GPHN: variants seen among roughly 807,000 people sequenced by gnomAD.
GPHN encodes the protein gephyrin.
In GPHN, 17 loss-of-function variants were observed where a neutral mutation model predicts 95.5. That is an observed-to-expected ratio of 0.18 (90% confidence interval 0.12 to 0.27). The LOEUF (loss-of-function observed/expected upper bound fraction) is 0.27. Ranked by LOEUF, GPHN falls within the 10% of genes least tolerant of loss-of-function variation. GPHN has a pLI of 1.00. For synonymous variants in GPHN, 320 were observed against 322.5 expected, an observed-to-expected ratio of 0.99 and a Z score of 0.08; for missense variants, 660 against 978.1, an observed-to-expected ratio of 0.67 and a Z score of 4.34.
the GPHN span, among the ~76,000 whole-genome samples, chr14:67,236,564 G>A: frequency 6.6e-6 from 1 of 152,266 alleles, no homozygotes; most frequent in South Asian, 2.1e-4. Flanking sequence ...AGCCAATTAG[G>A]TTGAATAATA....
chr14:67,280,316 G>A, the GPHN span, among the ~76,000 whole-genome samples: 1 of 152,210 alleles, frequency 6.6e-6, no homozygotes, highest in South Asian at 2.1e-4. Flanking sequence ...CACTGAACTA[G>A]TGTTAGGAGA....
At chr14:67,557,505 C>A in the GPHN span, 1 of 1,287,072 alleles carries the variant, frequency 7.8e-7, no homozygotes, top group Non-Finnish European at 1.1e-6. Flanking sequence ...CCGCTCAAGC[C>A]CTCTAGTGCT....
chr14:67,401,192 A>G, the GPHN span, among the ~76,000 whole-genome samples: 8,551 of 152,006 alleles, frequency 0.056, 497 homozygotes, highest in African/African-American at 0.14. Context: ...TCTTTATAAG[A>G]AAAGGTGATT....
intron 4 of GPHN, among the ~76,000 whole-genome samples, chr14:66,852,564 C>T (rs1168776639): frequency 6.6e-6 from 1 of 152,170 alleles, no homozygotes; most frequent in Non-Finnish European, 1.5e-5. Context: ...AAATTGCTCT[C>T]TCTTTTTATT....
the GPHN span, among the ~76,000 whole-genome samples, chr14:67,644,900 A>G: frequency 1.3e-5 from 2 of 151,908 alleles, no homozygotes; most frequent in African/African-American, 2.4e-5. Context: ...CGGGAGGCTG[A>G]GGCAGGAAAA....
chr14:67,037,816 T>C (rs1254805600), intron 10 of GPHN, among the ~76,000 whole-genome samples: 1 of 151,244 alleles, frequency 6.6e-6, no homozygotes, highest in African/African-American at 2.4e-5. Context: ...GTATTGGTGA[T>C]CATAGGGAGA....
At chr14:66,703,275 G>A (rs1487038143) in intron 2 of GPHN, among the ~76,000 whole-genome samples, 4 of 151,820 alleles carry the variant, frequency 2.6e-5, no homozygotes, top group African/African-American at 9.7e-5. Context: ...AGGCCAACAT[G>A]CAAATTCAGG....
the GPHN span, among the ~76,000 whole-genome samples, chr14:67,698,677 G>C: frequency 2.6e-5 from 4 of 152,178 alleles, no homozygotes; most frequent in African/African-American, 4.8e-5. Flanking sequence ...GGACTGGATA[G>C]TATAGGAGCT....
At chr14:66,817,321 TC>T (rs2061013944) in intron 3 of GPHN, among the ~76,000 whole-genome samples, 1 of 152,102 alleles carries the variant, frequency 6.6e-6, no homozygotes, top group Non-Finnish European at 1.5e-5. Flanking sequence ...ACTTATATAA[TC>T]ATATTCTTAA....
chr14:67,712,985 C>T, the GPHN span, among the ~76,000 whole-genome samples: 1 of 151,724 alleles, frequency 6.6e-6, no homozygotes, highest in Non-Finnish European at 1.5e-5. Context: ...GACTTATTCC[C>T]CATAATTTGG....
intron 2 of GPHN, among the ~76,000 whole-genome samples, chr14:66,715,772 A>T (rs1054357779): frequency 6.6e-6 from 1 of 152,010 alleles, no homozygotes; most frequent in Admixed American, 6.6e-5. Flanking sequence ...TTTAATTTCC[A>T]TGGATTTGCA....
At chr14:67,215,653 C>G in the GPHN span, among the ~76,000 whole-genome samples, 1 of 151,998 alleles carries the variant, frequency 6.6e-6, no homozygotes, top group Non-Finnish European at 1.5e-5. Flanking sequence ...GGAAAACATA[C>G]CTTTCACTAC....
Position 66,994,513 on chromosome 14 carries a change from A to G in GPHN, c.964-29120A>G, listed in dbSNP as rs17780844. ...ATTTCTGAGATGTTTAATGTGCACC[A>G]TAGAATTGCCCTCCTCGGAACTGAC... On this transcript the variant is annotated intron_variant, in intron 9 of 22. Coordinates refer to ENST00000478722, the MANE Select transcript of GPHN (RefSeq NM_020806.5). Among the ~76,000 whole-genome samples the G allele has an allele frequency of 6.7e-3, 1,022 of 152,342 alleles. 12 individuals are homozygous for G. The highest frequency in any genetic ancestry group is 0.029 in the Admixed American group (445 of 15,294).
chr14:66,692,616 A>G (rs534702534), intron 2 of GPHN, among the ~76,000 whole-genome samples: 2 of 152,016 alleles, frequency 1.3e-5, no homozygotes, highest in East Asian at 3.8e-4. Flanking sequence ...TTCTTATCGA[A>G]CAGTTTTCTA....
At chr14:67,550,015 G>A in the GPHN span, among the ~76,000 whole-genome samples, 127 of 152,290 alleles carry the variant, frequency 8.3e-4, no homozygotes, top group African/African-American at 2.9e-3. Context: ...AGCCCCATGT[G>A]GCCCAGAGAG....
chr14:67,037,242 C>T (rs944734272), intron 10 of GPHN, among the ~76,000 whole-genome samples: 4 of 151,866 alleles, frequency 2.6e-5, no homozygotes, highest in South Asian at 2.1e-4. Flanking sequence ...TGCAAAAGAA[C>T]GAAGACAGAC....
At chr14:67,504,593 T>TA in the GPHN span, among the ~76,000 whole-genome samples, 12 of 151,874 alleles carry the variant, frequency 7.9e-5, no homozygotes, top group Non-Finnish European at 1.5e-4. Flanking sequence ...AAAAAATAAA[T>TA]AAAAAACAAT....
the GPHN span, chr14:67,392,190 G>A: frequency 4.5e-6 from 3 of 667,868 alleles, no homozygotes; most frequent in East Asian, 5.2e-5. Context: ...GGCTGGTGCT[G>A]GGCTCTTGCT....
At chr14:67,716,051 GC>G in the GPHN span, among the ~76,000 whole-genome samples, 1 of 152,068 alleles carries the variant, frequency 6.6e-6, no homozygotes. Context: ...AAAAAAATTA[GC>G]CGGGGGTGGT....
Sources: allele counts gnomAD v4.1 joint callset (sites outside exome capture counted in the v4.1 genomes callset), GRCh38; gene constraint gnomAD v4.1.1; transcripts MANE v1.5; gene names NCBI Gene and HGNC (gene_info 2026-07-23, HGNC 2026-07-21).